MARCHF3: variants seen among roughly 807,000 people sequenced by gnomAD.
The protein encoded by MARCHF3 is membrane associated ring-CH-type finger 3, also known as E3 ubiquitin-protein ligase MARCHF3.
Under a neutral mutation model 24.2 loss-of-function variants are expected in MARCHF3, and 13 were observed. That is an observed-to-expected ratio of 0.54 (90% CI 0.35 to 0.85). MARCHF3 has a LOEUF of 0.85. MARCHF3 is among the 40% of genes least tolerant of loss of function. The pLI, the probability that MARCHF3 is intolerant of heterozygous loss-of-function variation, is 0.01. For synonymous variants in MARCHF3, 144 were observed against 137.3 expected (o/e 1.05, Z -0.34); for missense variants, 276 against 325.0 (o/e 0.85, Z 1.16).
At chr5:126,943,529 G>C (rs1749903122) in intron 1 of MARCHF3, among the ~76,000 whole-genome samples, 1 of 151,622 alleles carries the variant, frequency 6.6e-6, no homozygotes, top group Non-Finnish European at 1.5e-5. Flanking sequence ...GCTGCAGTGT[G>C]CTGTGATTGC....
chr5:127,011,023 T>C (rs1231362645), intron 1 of MARCHF3, among the ~76,000 whole-genome samples: 1 of 152,244 alleles, frequency 6.6e-6, no homozygotes, highest in African/African-American at 2.4e-5. Flanking sequence ...TTAAATTTTA[T>C]GTTATGCACA....
chr5:126,907,862 T>G lies in MARCHF3; in HGVS notation c.393+7068A>C, dbSNP rs1391881025. Reference sequence around the variant, plus strand: ...TTATGTGTGAATTTGATCCTGTCATTATGATGTTAGCTGATTATTTTGCTC... The same window carrying G: ...TTATGTGTGAATTTGATCCTGTCATGATGATGTTAGCTGATTATTTTGCTC... On this transcript the variant is annotated intron_variant, in intron 3 of 4. Coordinates refer to ENST00000308660, the MANE Select transcript of MARCHF3 (RefSeq NM_178450.5). 2.6e-5 allele frequency among the ~76,000 whole-genome samples: 4 copies of G among 151,988 alleles called. No individual in the cohort carries two copies. In the South Asian group the frequency reaches 6.3e-4, roughly 24 times the overall value.
intron 2 of MARCHF3, 138 bp downstream of exon 2, chr5:126,917,846 C>CT (rs36120055): frequency 0.044 from 29,574 of 673,672 alleles, 4 homozygotes; most frequent in Non-Finnish European, 0.05. Flanking sequence ...CTCGTGTAGT[C>CT]TTTTTTTTTT....
rs1753813872 is a variant in MARCHF3 at position 126,894,760 on chromosome 5, T to C, written c.394-16366A>G. 2.6e-5 allele frequency among the ~76,000 whole-genome samples: 4 copies of C among 152,164 alleles called. 1 individual carries two copies. The highest frequency in any genetic ancestry group is 2.1e-4 in the South Asian group (1 of 4,830). Reference sequence around the variant, plus strand: ...TCAACTTTGGTGAATCTGACAATTATGTGTGGTGAATCTGACAATTATGTG... The same window carrying C: ...TCAACTTTGGTGAATCTGACAATTACGTGTGGTGAATCTGACAATTATGTG... On this transcript the variant is annotated intron_variant, in intron 3 of 4. Coordinates refer to ENST00000308660, the MANE Select transcript of MARCHF3 (RefSeq NM_178450.5).
Position 126,912,222 on chromosome 5 carries a change from T to C in MARCHF3, c.393+2708A>G, listed in dbSNP as rs143139320. On this transcript the variant is annotated intron_variant, in intron 3 of 4. Transcript: ENST00000308660. ...GAGATAAGAAAAGGAAGTGAAGAAG[T>C]GTCTTAGGAACGGTGGCATGAAGGG... Among the ~76,000 whole-genome samples the C allele has an allele frequency of 6.0e-3, 918 of 152,294 alleles. 5 individuals are homozygous for C. Among genetic ancestry groups the C allele is most frequent in the Non-Finnish European group, 8.1e-3 (550 of 68,036 alleles).
Position 126,876,600 on chromosome 5 carries a change from G to A in MARCHF3, c.603+1585C>T, listed in dbSNP as rs548002585. Among the ~76,000 whole-genome samples the A allele has an allele frequency of 2.0e-4, 31 of 152,162 alleles. No individual in the cohort carries two copies. The South Asian group carries it at 3.9e-3, about 19-fold the overall frequency. On this transcript the variant is annotated intron_variant, in intron 4 of 4. Transcript: ENST00000308660. ...TCCTCCCATCACAATGGAAGCTACT[G>A]GAACAGCTTCGTTGCCTGATTCAAA...
chr5:126,968,072 T>C (rs560545210), intron 1 of MARCHF3, among the ~76,000 whole-genome samples: 2 of 152,368 alleles, frequency 1.3e-5, no homozygotes, highest in African/African-American at 4.8e-5. Context: ...ATACAATATG[T>C]GGCTTTTGGT....
chr5:126,894,929 C>T (rs1256180688), intron 3 of MARCHF3, among the ~76,000 whole-genome samples: 2 of 152,018 alleles, frequency 1.3e-5, no homozygotes, highest in East Asian at 1.9e-4. Context: ...CCATTCTCCC[C>T]ATCACTTTCA....
intron 1 of MARCHF3, among the ~76,000 whole-genome samples, chr5:126,982,904 G>C (rs928620170): frequency 1.3e-5 from 2 of 152,202 alleles, no homozygotes; most frequent in African/African-American, 4.8e-5. Context: ...GTCCAGGTTA[G>C]GGTGACTCCT....
intron 4 of MARCHF3, among the ~76,000 whole-genome samples, chr5:126,875,269 A>C (rs936232309): frequency 1.3e-5 from 2 of 152,158 alleles, no homozygotes; most frequent in Admixed American, 1.3e-4. Context: ...GTGCTTCTGG[A>C]ACACAGCAGG....
chr5:127,019,134 T>C (rs1752719389), intron 1 of MARCHF3, among the ~76,000 whole-genome samples: 1 of 152,206 alleles, frequency 6.6e-6, no homozygotes, highest in Non-Finnish European at 1.5e-5. Context: ...TTCAAGTTCA[T>C]TAGGGTTTAT....
intron 1 of MARCHF3, among the ~76,000 whole-genome samples, chr5:127,018,848 G>C (rs1236382352): frequency 1.3e-5 from 2 of 152,128 alleles, no homozygotes; most frequent in African/African-American, 2.4e-5. Flanking sequence ...GTAGCTATGT[G>C]ACCTAAGCAA....
In MARCHF3 at chr5:126,892,859, G is replaced by C. The variant is rs187394673; in HGVS notation, c.394-14465C>G. On this transcript the variant is annotated intron_variant, in intron 3 of 4. Transcript: ENST00000308660. ...CTATTGATTGGAATAGTTTCAGAAG[G>C]AATGGTACCAGTTCCTCCTTGTACC... is the stretch of plus-strand genomic sequence containing the variant. Among the ~76,000 whole-genome samples the C allele has an allele frequency of 8.3e-3, 1,237 of 148,700 alleles. 14 individuals are homozygous for C. The highest frequency in any genetic ancestry group is 0.052 in the South Asian group (222 of 4,284).
intron 1 of MARCHF3, among the ~76,000 whole-genome samples, chr5:127,025,611 T>C (rs532601374): frequency 2.5e-4 from 38 of 152,324 alleles, no homozygotes; most frequent in African/African-American, 8.7e-4. Flanking sequence ...TCTTCAGTTA[T>C]ATTTTTCAGC....
chr5:126,960,591 AATCTAAGATCTTCCTG>A (rs1442580533), intron 1 of MARCHF3, among the ~76,000 whole-genome samples: 1 of 152,056 alleles, frequency 6.6e-6, no homozygotes, highest in Non-Finnish European at 1.5e-5. Flanking sequence ...TTGTAAAATG[AATCTAAGATCTTCCTG>A]ATCTGCCTGC....
At chr5:126,926,998 T>C (rs570063888) in intron 1 of MARCHF3, among the ~76,000 whole-genome samples, 1 of 152,180 alleles carries the variant, frequency 6.6e-6, no homozygotes, top group South Asian at 2.1e-4. Context: ...CAATAGCTCA[T>C]GAAGACACAA....
intron 3 of MARCHF3, 56 bp downstream of exon 3, chr5:126,914,874 A>C: frequency 1.9e-6 from 3 of 1,575,882 alleles, no homozygotes; most frequent in Non-Finnish European, 2.6e-6. Flanking sequence ...AGGCATAAAA[A>C]CAGACATCAT....
At chr5:126,913,569 G>A (rs1437495995) in intron 3 of MARCHF3, among the ~76,000 whole-genome samples, 1 of 152,238 alleles carries the variant, frequency 6.6e-6, no homozygotes, top group Non-Finnish European at 1.5e-5. Flanking sequence ...CAAGTGGCAA[G>A]ATGGCTAAAT....
At chr5:126,965,993 C>T (rs1327686131) in intron 1 of MARCHF3, among the ~76,000 whole-genome samples, 1 of 152,182 alleles carries the variant, frequency 6.6e-6, no homozygotes, top group African/African-American at 2.4e-5. Context: ...TAATGAATTA[C>T]TACTCAGTAA....
Sources: gnomAD v4.1 joint callset for allele counts (sites outside exome capture counted in the v4.1 genomes callset) on GRCh38, gnomAD v4.1.1 for gene constraint, MANE v1.5 for transcripts, NCBI Gene and HGNC (gene_info 2026-07-23, HGNC 2026-07-21) for gene names.